Variants in SEMA3E observed in about 807,000 individuals in gnomAD.
SEMA3E encodes the protein semaphorin 3E.
A neutral mutation model predicts 93.6 loss-of-function variants in SEMA3E; 49 were observed. That is an observed-to-expected ratio of 0.52 (90% CI 0.42 to 0.66). The LOEUF is 0.66. SEMA3E is among the 30% of genes least tolerant of loss of function. The pLI is 0.00. For missense variants in SEMA3E, 906 were observed against 964.8 expected (o/e 0.94, Z 0.81); for synonymous variants, 363 against 330.7 (o/e 1.10, Z -1.06).
chr7:83,470,200 G>A (rs1040945983), intron 2 of SEMA3E, among the ~76,000 whole-genome samples: 1 of 152,098 alleles, frequency 6.6e-6, no homozygotes. Flanking sequence ...CTGATAAGAA[G>A]AATATATCGA....
chr7:83,629,597 G>A (rs1165523894), intron 1 of SEMA3E, among the ~76,000 whole-genome samples: 1 of 152,116 alleles, frequency 6.6e-6, no homozygotes, highest in Non-Finnish European at 1.5e-5. Flanking sequence ...ACTGTGAAGG[G>A]AAAACCGCCT....
intron 1 of SEMA3E, among the ~76,000 whole-genome samples, chr7:83,647,233 T>C (rs1794090499): frequency 6.6e-6 from 1 of 152,066 alleles, no homozygotes; most frequent in South Asian, 2.1e-4. Context: ...AATGAAAAAA[T>C]TTCTATAGTC....
chr7:83,510,868 C>T (rs747705701), intron 1 of SEMA3E, among the ~76,000 whole-genome samples: 1 of 152,138 alleles, frequency 6.6e-6, no homozygotes. Context: ...AGATAACCCT[C>T]GTGGTGAATC....
At chr7:83,427,005 G>A (rs998005028) in intron 4 of SEMA3E, among the ~76,000 whole-genome samples, 1 of 151,904 alleles carries the variant, frequency 6.6e-6, no homozygotes, top group Non-Finnish European at 1.5e-5. Flanking sequence ...ACATAACATA[G>A]TGTGACATGA....
intron 1 of SEMA3E, among the ~76,000 whole-genome samples, chr7:83,633,701 A>T (rs1368664928): frequency 6.6e-6 from 1 of 152,142 alleles, no homozygotes; most frequent in Non-Finnish European, 1.5e-5. Context: ...TCCTCAGCAA[A>T]AGCAGTATGG....
intron 1 of SEMA3E, among the ~76,000 whole-genome samples, chr7:83,636,439 T>C (rs1156734829): frequency 6.6e-6 from 1 of 152,176 alleles, no homozygotes; most frequent in Non-Finnish European, 1.5e-5. Context: ...TGTGAATAGA[T>C]ATAGATATGT....
At chr7:83,525,521 T>G (rs747775523) in intron 1 of SEMA3E, among the ~76,000 whole-genome samples, 3 of 136,258 alleles carry the variant, frequency 2.2e-5, no homozygotes, top group Non-Finnish European at 5.0e-5. Context: ...TCAGATTTTC[T>G]TGTTTTCTCA....
chr7:83,614,883 C>T (rs1041654319), intron 1 of SEMA3E, among the ~76,000 whole-genome samples: 1 of 152,000 alleles, frequency 6.6e-6, no homozygotes, highest in Non-Finnish European at 1.5e-5. Flanking sequence ...ATGATGAATG[C>T]CCAAGGAAGA....
chr7:83,550,476 T>G (rs543301898), intron 1 of SEMA3E, among the ~76,000 whole-genome samples: 2 of 152,128 alleles, frequency 1.3e-5, no homozygotes, highest in East Asian at 1.9e-4. Flanking sequence ...TTGCTCTTCC[T>G]TCTTCACCAT....
chr7:83,647,315 T>C (rs987746238), intron 1 of SEMA3E, among the ~76,000 whole-genome samples: 1 of 152,150 alleles, frequency 6.6e-6, no homozygotes, highest in Non-Finnish European at 1.5e-5. Flanking sequence ...AGGACTCCCT[T>C]TTTGTTTCTC....
chr7:83,619,511 A>G (rs1793497238), intron 1 of SEMA3E, among the ~76,000 whole-genome samples: 1 of 151,860 alleles, frequency 6.6e-6, no homozygotes, highest in East Asian at 1.9e-4. Context: ...TGTTATTTTA[A>G]ATGGTCCATC....
At chr7:83,452,508 G>T (rs1789386914) in intron 4 of SEMA3E, among the ~76,000 whole-genome samples, 1 of 152,152 alleles carries the variant, frequency 6.6e-6, no homozygotes. Context: ...TTGCTCACAG[G>T]CAAGGTGAGC....
intron 1 of SEMA3E, among the ~76,000 whole-genome samples, chr7:83,566,320 T>C (rs968360663): frequency 6.6e-6 from 1 of 152,088 alleles, no homozygotes; most frequent in Admixed American, 6.5e-5. Flanking sequence ...GTTTCCATTC[T>C]TTTGCACTAA....
At chr7:83,418,258 C>T in intron 5 of SEMA3E, 132 bp downstream of exon 5, 2 of 730,258 alleles carry the variant, frequency 2.7e-6, no homozygotes, top group East Asian at 5.5e-5. Context: ...AATATCATTG[C>T]TTCGAGCATC....
intron 1 of SEMA3E, among the ~76,000 whole-genome samples, chr7:83,542,822 T>C (rs991763644): frequency 2.0e-5 from 3 of 152,134 alleles, no homozygotes; most frequent in Non-Finnish European, 4.4e-5. Context: ...TCATGATAAA[T>C]TTCTGCCTCT....
chr7:83,499,170 T>A (rs747076185), intron 1 of SEMA3E, among the ~76,000 whole-genome samples: 1 of 152,188 alleles, frequency 6.6e-6, no homozygotes, highest in Non-Finnish European at 1.5e-5. Flanking sequence ...TTTTTACTAC[T>A]AATACAGCAC....
At chr7:83,617,960 A>G (rs567524878) in intron 1 of SEMA3E, among the ~76,000 whole-genome samples, 1 of 152,194 alleles carries the variant, frequency 6.6e-6, no homozygotes, top group South Asian at 2.1e-4. Context: ...ATCTGCTATA[A>G]ATAGAAAAGA....
At chr7:83,585,699 T>G (rs1792613320) in intron 1 of SEMA3E, among the ~76,000 whole-genome samples, 1 of 152,194 alleles carries the variant, frequency 6.6e-6, no homozygotes, top group African/African-American at 2.4e-5. Context: ...ATTTTCTATT[T>G]TATTAAATCA....
intron 1 of SEMA3E, among the ~76,000 whole-genome samples, chr7:83,537,576 A>C (rs1791432523): frequency 6.6e-6 from 1 of 152,190 alleles, no homozygotes; most frequent in African/African-American, 2.4e-5. Context: ...TAGGGTGAGG[A>C]ATTCTGCCCC....
Sources: allele counts gnomAD v4.1 joint callset (sites outside exome capture counted in the v4.1 genomes callset), GRCh38; gene constraint gnomAD v4.1.1; transcripts MANE v1.5; gene names NCBI Gene and HGNC (gene_info 2026-07-23, HGNC 2026-07-21).